The following KDM4C variants were observed in gnomAD, a reference collection of about 807,000 sequenced individuals.
The protein encoded by KDM4C is lysine demethylase 4C.
A neutral mutation model predicts 129.3 loss-of-function variants in KDM4C; 81 were observed. The observed-to-expected ratio is 0.63, with a 90% confidence interval of 0.52 to 0.75. KDM4C has a LOEUF of 0.75. Ranked by LOEUF, KDM4C falls within the 30% of genes least tolerant of loss-of-function variation. The probability of loss-of-function intolerance (pLI) is 0.00; values close to 1 mark genes in which losing one functional copy is unlikely to be tolerated. For missense variants in KDM4C, 1,457 were observed against 1,304.0 expected (o/e 1.12, Z -1.81); for synonymous variants, 573 against 456.1 (o/e 1.26, Z -3.26).
intron 1 of KDM4C, among the ~76,000 whole-genome samples, chr9:6,752,124 G>A (rs1271662730): frequency 1.3e-5 from 2 of 150,252 alleles, no homozygotes; most frequent in Non-Finnish European, 2.9e-5. Flanking sequence ...ACGAGGTCAG[G>A]AGATCGAGAC....
chr9:7,098,076 T>C (rs2133102074), intron 17 of KDM4C, among the ~76,000 whole-genome samples: 1 of 152,392 alleles, frequency 6.6e-6, no homozygotes, highest in African/African-American at 2.4e-5. Flanking sequence ...TGTAGTACTT[T>C]TCACAAATCA....
chr9:7,097,451 C>T (rs183746967), intron 17 of KDM4C, among the ~76,000 whole-genome samples: 31 of 152,348 alleles, frequency 2.0e-4, no homozygotes, highest in Middle Eastern at 6.8e-3. Context: ...CAGAGTGGTG[C>T]AGAGGTGAGC....
intron 12 of KDM4C, among the ~76,000 whole-genome samples, chr9:7,011,369 A>G (rs1822655639): frequency 6.6e-6 from 1 of 152,196 alleles, no homozygotes; most frequent in South Asian, 2.1e-4. Flanking sequence ...CTGTTTTAGT[A>G]TTGGAGCTTT....
At chr9:6,889,889 C>G (rs1406399046) in intron 7 of KDM4C, among the ~76,000 whole-genome samples, 1 of 152,164 alleles carries the variant, frequency 6.6e-6, no homozygotes, top group Non-Finnish European at 1.5e-5. Flanking sequence ...CTAGAGGTGC[C>G]TGGCACCCTC....
intron 8 of KDM4C, among the ~76,000 whole-genome samples, chr9:6,936,602 T>G (rs1013041121): frequency 3.9e-5 from 6 of 152,218 alleles, no homozygotes; most frequent in Non-Finnish European, 7.4e-5. Context: ...CTGGTTTAGG[T>G]TGAACGCCAT....
chr9:6,766,030 C>G (rs1004402116), intron 1 of KDM4C, among the ~76,000 whole-genome samples: 5 of 152,266 alleles, frequency 3.3e-5, no homozygotes, highest in African/African-American at 1.2e-4. Flanking sequence ...CTCAGGTGAT[C>G]CGCCCACCTC....
intron 19 of KDM4C, among the ~76,000 whole-genome samples, chr9:7,147,369 C>T (rs540105817): frequency 2.1e-4 from 32 of 152,288 alleles, no homozygotes; most frequent in African/African-American, 6.7e-4. Flanking sequence ...AGCCTTCTCT[C>T]CCCTGCGTGC....
Position 6,999,003 on chromosome 9 carries a change from C to T in KDM4C, c.1786+8479C>T, listed in dbSNP as rs924791013. 3.9e-5 allele frequency among the ~76,000 whole-genome samples: 6 copies of T among 152,062 alleles called. No homozygotes were observed. The South Asian group carries it at 1.2e-3, about 31-fold the overall frequency. ...AGTACTTCACCCCGTGTCTTGTAGT[C>T]ATTGTCCTGCTGGTACTTTTACTAC... On this transcript the variant is annotated intron_variant, in intron 12 of 21. Coordinates refer to ENST00000381309, the MANE Select transcript of KDM4C (RefSeq NM_015061.6).
intron 8 of KDM4C, among the ~76,000 whole-genome samples, chr9:6,954,324 A>G (rs777470189): frequency 6.6e-6 from 1 of 152,058 alleles, no homozygotes; most frequent in Non-Finnish European, 1.5e-5. Flanking sequence ...GTTTGTTTTT[A>G]TGTTCCTGGA....
At chr9:7,049,234 T>C (rs763793019) in intron 17 of KDM4C, 34 bp downstream of exon 17, 1 of 1,141,922 alleles carries the variant, frequency 8.8e-7, no homozygotes, top group African/African-American at 1.6e-5. Context: ...ACCTCATAAA[T>C]TAGTGTTAAT....
At chr9:7,026,856 G>T (rs1362315596) in intron 15 of KDM4C, among the ~76,000 whole-genome samples, 1 of 151,720 alleles carries the variant, frequency 6.6e-6, no homozygotes, top group Non-Finnish European at 1.5e-5. Flanking sequence ...TCTTCTGCTT[G>T]ATCAGTTCTG....
intron 17 of KDM4C, among the ~76,000 whole-genome samples, chr9:7,089,862 A>G (rs963706674): frequency 2.0e-5 from 3 of 152,204 alleles, no homozygotes; most frequent in African/African-American, 7.2e-5. Context: ...CTGCTTTGCT[A>G]GAGTCATGAG....
intron 5 of KDM4C, among the ~76,000 whole-genome samples, chr9:6,850,182 C>T (rs983788747): frequency 1.3e-5 from 2 of 152,102 alleles, no homozygotes; most frequent in Non-Finnish European, 2.9e-5. Flanking sequence ...CACACAATGG[C>T]GAAATTGCCT....
intron 8 of KDM4C, among the ~76,000 whole-genome samples, chr9:6,917,065 C>T (rs149842929): frequency 1.2e-3 from 181 of 152,080 alleles, no homozygotes; most frequent in African/African-American, 4.1e-3. Flanking sequence ...GTTAAAATAT[C>T]GTTTATATAG....
chr9:6,748,660 A>T, intron 1 of KDM4C: 1 of 1,070,978 alleles, frequency 9.3e-7, no homozygotes, highest in Non-Finnish European at 1.4e-6. Flanking sequence ...GTCTAAAAAC[A>T]AACTGTATCC....
chr9:7,101,378 G>C (rs1163028332), intron 17 of KDM4C, among the ~76,000 whole-genome samples: 1 of 152,138 alleles, frequency 6.6e-6, no homozygotes, highest in Non-Finnish European at 1.5e-5. Flanking sequence ...TGAAAATGGG[G>C]GTCTGAAATA....
intron 17 of KDM4C, among the ~76,000 whole-genome samples, chr9:7,103,277 A>G (rs1336950732): frequency 6.6e-6 from 1 of 152,234 alleles, no homozygotes; most frequent in African/African-American, 2.4e-5. Context: ...CCTGTCCTCC[A>G]AACCCATATT....
At chr9:6,901,798 C>G (rs1417743001) in intron 8 of KDM4C, among the ~76,000 whole-genome samples, 2 of 152,184 alleles carry the variant, frequency 1.3e-5, no homozygotes, top group African/African-American at 4.8e-5. Context: ...CACATATTTA[C>G]TTTTAGCACC....
rs1230651679 is a variant in KDM4C at position 7,011,662 on chromosome 9, C to T, written c.1787-36C>T. 1.9e-6 allele frequency: 3 copies of T among 1,578,178 alleles called. No individual in the cohort carries two copies. In the East Asian group the frequency reaches 6.7e-5, roughly 35 times the overall value. ...TCAGGGTGATTGTTTTCCCTGGTTC[C>T]CATGCTCATGGTATTTTCCTGCCTT... On this transcript the variant is annotated intron_variant, in intron 12 of 21. Transcript: ENST00000381309.
Sources: gnomAD v4.1 joint callset for allele counts (sites outside exome capture counted in the v4.1 genomes callset) on GRCh38, gnomAD v4.1.1 for gene constraint, MANE v1.5 for transcripts, NCBI Gene and HGNC (gene_info 2026-07-23, HGNC 2026-07-21) for gene names.